PIK3C3: variants seen among roughly 807,000 people sequenced by gnomAD.
PIK3C3 encodes PI3-kinase type 3.
In PIK3C3, 95 loss-of-function variants were observed where a neutral mutation model predicts 126.1. The ratio of observed to expected loss-of-function variants is 0.75; its 90% CI spans 0.64 to 0.89. The LOEUF (loss-of-function observed/expected upper bound fraction) is 0.89, where lower values mean the gene tolerates loss of function less well. Ranked by LOEUF, PIK3C3 falls within the 40% of genes least tolerant of loss-of-function variation. The pLI, the probability that PIK3C3 is intolerant of heterozygous loss-of-function variation, is 0.00. For synonymous variants in PIK3C3, 374 were observed against 360.0 expected (o/e 1.04, Z -0.44); for missense variants, 829 against 1,063.2 (o/e 0.78, Z 3.06).
intron 24 of PIK3C3, among the ~76,000 whole-genome samples, chr18:42,068,619 C>A (rs936359812): frequency 6.6e-6 from 1 of 152,068 alleles, no homozygotes; most frequent in African/African-American, 2.4e-5. Context: ...TCCCACTTTT[C>A]CCACATTAGC....
chr18:42,034,396 C>T (rs1216336563), intron 16 of PIK3C3, among the ~76,000 whole-genome samples: 1 of 152,122 alleles, frequency 6.6e-6, no homozygotes, highest in Non-Finnish European at 1.5e-5. Context: ...AGAGCTGTAA[C>T]TATTTTTCTT....
At chr18:42,046,835 A>C (rs1362794492) in intron 20 of PIK3C3, among the ~76,000 whole-genome samples, 1 of 152,088 alleles carries the variant, frequency 6.6e-6, no homozygotes, top group Admixed American at 6.6e-5. Flanking sequence ...CTAAATTTTC[A>C]TCTTTACTAT....
chr18:42,033,698 T>G (rs918374617), intron 15 of PIK3C3, 128 bp from the exon 16 acceptor site: 3 of 580,466 alleles, frequency 5.2e-6, no homozygotes, highest in Non-Finnish European at 8.7e-6. Flanking sequence ...CAACACCATC[T>G]CCTTTATATT....
chr18:42,037,867 A>G (rs751122857), intron 17 of PIK3C3, 47 bp downstream of exon 17: 18 of 1,545,988 alleles, frequency 1.2e-5, no homozygotes, highest in Non-Finnish European at 1.4e-5. Flanking sequence ...TCGTTTTGGA[A>G]TACTGTGGCT....
At chr18:41,990,022 T>C (rs1981697422) in intron 5 of PIK3C3, among the ~76,000 whole-genome samples, 1 of 152,228 alleles carries the variant, frequency 6.6e-6, no homozygotes, top group Non-Finnish European at 1.5e-5. Flanking sequence ...TTGCACACTT[T>C]TCTTCCTTTT....
intron 4 of PIK3C3, among the ~76,000 whole-genome samples, chr18:41,980,257 C>T (rs7233661): frequency 0.17 from 25,964 of 152,038 alleles, 2,472 homozygotes; most frequent in East Asian, 0.29. Flanking sequence ...TAAGTCTTCA[C>T]TTGGTTAGGT....
rs542142073 is a variant in PIK3C3 at position 42,060,212 on chromosome 18, G to A, written c.2432+2161G>A. 9.2e-5 allele frequency among the ~76,000 whole-genome samples: 14 copies of A among 152,092 alleles called. No homozygotes were observed. The East Asian group carries it at 1.4e-3, about 15-fold the overall frequency. On this transcript the variant is annotated intron_variant, in intron 22 of 24. Transcript: ENST00000262039. The stretch of plus-strand genomic sequence containing the variant: ...TTTTATTAAGCTATTAGATATGATC[G>A]GCCCTGTTATTTTATAGTTTTTCTT...
intron 21 of PIK3C3, among the ~76,000 whole-genome samples, chr18:42,052,335 T>C (rs886198703): frequency 3.9e-5 from 6 of 152,156 alleles, no homozygotes; most frequent in African/African-American, 1.4e-4. Flanking sequence ...TAGAGGGTGC[T>C]CCAGATTTGC....
chr18:42,074,080 C>A (rs1015404856), intron 24 of PIK3C3, among the ~76,000 whole-genome samples: 10 of 152,108 alleles, frequency 6.6e-5, no homozygotes, highest in African/African-American at 1.9e-4. Context: ...GTCGCTCTTT[C>A]CTGGGTCAGT....
intron 9 of PIK3C3, among the ~76,000 whole-genome samples, chr18:42,000,742 C>T (rs1375004957): frequency 1.3e-5 from 2 of 152,132 alleles, no homozygotes; most frequent in African/African-American, 4.8e-5. Flanking sequence ...TGGATGGCAG[C>T]AAGCAAAGGG....
chr18:42,050,236 C>T (rs1032964835), intron 21 of PIK3C3: 3 of 152,182 alleles, frequency 2.0e-5, no homozygotes, highest in Non-Finnish European at 4.4e-5. Context: ...AATGTCCTTT[C>T]TCTTACAAAG....
At chr18:42,074,332 T>C (rs1175430603) in intron 24 of PIK3C3, among the ~76,000 whole-genome samples, 2 of 106,308 alleles carry the variant, frequency 1.9e-5, no homozygotes, top group African/African-American at 1.2e-4. Flanking sequence ...TTTTTGTTTA[T>C]GTTTTTTTTC....
At chr18:42,064,859 C>A in intron 23 of PIK3C3, 29 bp downstream of exon 23, 1 of 1,166,124 alleles carries the variant, frequency 8.6e-7, no homozygotes, top group Non-Finnish European at 1.3e-6. Flanking sequence ...AAATGAAGAG[C>A]TCTTCTGTAT....
At chr18:42,064,528 G>T (rs1398697538) in intron 22 of PIK3C3, among the ~76,000 whole-genome samples, 1 of 152,160 alleles carries the variant, frequency 6.6e-6, no homozygotes, top group African/African-American at 2.4e-5. Context: ...GTCCCATGGT[G>T]TAGGATTTAG....
intron 4 of PIK3C3, among the ~76,000 whole-genome samples, chr18:41,976,389 A>G (rs1980925293): frequency 6.6e-6 from 1 of 152,142 alleles, no homozygotes. Flanking sequence ...TTGTATTACT[A>G]AGTTCCTGAT....
Position 42,040,694 on chromosome 18 carries a change from C to T in PIK3C3, c.2056C>T (p.Gln686Ter). The change falls in exon 19 of 25, where the codon CAG (glutamine) becomes TAG (stop). Residue 686 changes from glutamine to a stop codon, truncating the protein, a stop_gained. Coordinates refer to ENST00000262039, the MANE Select transcript of PIK3C3 (RefSeq NM_002647.4). LOFTEE classifies it high-confidence loss of function. Reference protein sequence around the residue: ...STKHGFMQFIQSVPVAEVLDT... With the variant: ...STKHGFMQFI ...CTGTGTAGGCTTCATGCAGTTTATC[C>T]AGTCAGTTCCTGTGGCTGAAGTTCT... The T allele has an allele frequency of 6.2e-7, 1 of 1,610,658 alleles. No homozygotes were observed.
chr18:41,986,826 T>C (rs543134479), intron 4 of PIK3C3, among the ~76,000 whole-genome samples: 2 of 152,238 alleles, frequency 1.3e-5, no homozygotes, highest in Non-Finnish European at 2.9e-5. Context: ...TAAATTGATA[T>C]TACTTTTTTT....
At chr18:42,038,671 G>T (rs549477111) in intron 17 of PIK3C3, 110 bp from the exon 18 acceptor site, 57 of 684,940 alleles carry the variant, frequency 8.3e-5, no homozygotes, top group Non-Finnish European at 5.0e-6. Context: ...ACTTAATTTA[G>T]CTTAACTTCC....
intron 13 of PIK3C3, among the ~76,000 whole-genome samples, chr18:42,024,793 A>ATTTTTTTTCTT (rs372603404): frequency 6.9e-6 from 1 of 144,194 alleles, no homozygotes; most frequent in East Asian, 2.1e-4. Context: ...GCATCAACAT[A>ATTTTTTTTCTT]TTTTTTTTCT....
Sources: allele counts gnomAD v4.1 joint callset (sites outside exome capture counted in the v4.1 genomes callset), GRCh38; gene constraint gnomAD v4.1.1; transcripts MANE v1.5; gene names NCBI Gene and HGNC (gene_info 2026-07-23, HGNC 2026-07-21).